The following RBPJ variants were observed in gnomAD, a reference collection of about 807,000 sequenced individuals.
RBPJ encodes the protein recombination signal binding protein for immunoglobulin kappa J region.
A neutral mutation model predicts 67.8 loss-of-function variants in RBPJ; 9 were observed. The ratio of observed to expected loss-of-function variants is 0.13; its 90% CI spans 0.08 to 0.23. The LOEUF is 0.23. Ranked by LOEUF, RBPJ falls within the 10% of genes least tolerant of loss-of-function variation. The pLI is 1.00. For missense variants in RBPJ, 305 were observed against 595.6 expected (o/e 0.51, Z 5.08); for synonymous variants, 198 against 203.3 (o/e 0.97, Z 0.22).
In RBPJ at chr4:26,427,903, T is replaced by G. The variant is rs373049090; in HGVS notation, c.748-817T>G. Among the ~76,000 whole-genome samples, 7 of 152,348 alleles carry G rather than the reference T, an allele frequency of 4.6e-5. No individual in the cohort carries two copies. In the East Asian group the frequency reaches 9.6e-4, roughly 21 times the overall value. On this transcript the variant is annotated intron_variant, in intron 7 of 10. Transcript: ENST00000355476. ...TGTCAAATTTTGCTCTTCATCATGA[T>G]CATCTACTTAGCCATTACCTTCTAG...
chr4:26,408,876 T>C (rs1173191376), intron 3 of RBPJ, among the ~76,000 whole-genome samples: 3 of 152,224 alleles, frequency 2.0e-5, no homozygotes, highest in African/African-American at 7.2e-5. Context: ...AGAGCAGGGA[T>C]TGAGGAGGAA....
intron 1 of RBPJ, among the ~76,000 whole-genome samples, chr4:26,375,768 C>G (rs754561187): frequency 6.6e-6 from 1 of 152,134 alleles, no homozygotes; most frequent in South Asian, 2.1e-4. Flanking sequence ...AAAGCAGGCA[C>G]GAAGCCCATC....
upstream of RBPJ, among the ~76,000 whole-genome samples, chr4:26,318,182 G>C (rs1028882969): frequency 6.6e-6 from 1 of 151,936 alleles, no homozygotes; most frequent in Non-Finnish European, 1.5e-5. Context: ...TTAAAAACCA[G>C]GGTTTCCTAT....
the RBPJ span, among the ~76,000 whole-genome samples, chr4:26,144,541 A>G: frequency 1.3e-5 from 2 of 152,106 alleles, no homozygotes; most frequent in African/African-American, 4.8e-5. Flanking sequence ...AACTGCTAGG[A>G]TTACAGATGT....
intron 1 of RBPJ, among the ~76,000 whole-genome samples, chr4:26,372,538 A>G (rs985609859): frequency 6.6e-6 from 1 of 152,244 alleles, no homozygotes. Flanking sequence ...ATAGCAAAGT[A>G]TCAAGTAAAT....
chr4:26,424,528 A>C lies in RBPJ; in HGVS notation c.634+49A>C. ...ATGTTTTTAGTGTGAAATTGTTAAA[A>C]TCTTTTGATGAGATACATGGATATA... is the stretch of plus-strand genomic sequence containing the variant. On this transcript the variant is annotated intron_variant, in intron 6 of 10. Transcript: ENST00000355476. The surrounding 1 kb of genome is among the most constrained non-coding windows in gnomAD (Gnocchi z 5.3). The C allele has an allele frequency of 6.3e-7, 1 of 1,594,728 alleles. No individual in the cohort carries two copies. Among genetic ancestry groups the C allele is most frequent in the Non-Finnish European group, 8.6e-7 (1 of 1,165,370 alleles).
the RBPJ span, among the ~76,000 whole-genome samples, chr4:26,127,745 TAAGTA>T: frequency 6.6e-6 from 1 of 152,084 alleles, no homozygotes; most frequent in African/African-American, 2.4e-5. Flanking sequence ...GCCCAGCAGG[TAAGTA>T]GAGTAAGACA....
At chr4:26,108,868 TCA>T in the RBPJ span, among the ~76,000 whole-genome samples, 2 of 152,146 alleles carry the variant, frequency 1.3e-5, no homozygotes, top group Admixed American at 1.3e-4. Context: ...CTGTCCAAGC[TCA>T]GTTTCCTTAC....
intron 1 of RBPJ, among the ~76,000 whole-genome samples, chr4:26,249,382 G>A (rs149775132): frequency 2.6e-5 from 4 of 152,180 alleles, no homozygotes; most frequent in Non-Finnish European, 2.9e-5. Flanking sequence ...GGGGTCAGCC[G>A]GGTATGGTGG....
chr4:26,201,224 GT>G (rs369930516), intron 1 of RBPJ, among the ~76,000 whole-genome samples: 1 of 152,254 alleles, frequency 6.6e-6, no homozygotes, highest in Non-Finnish European at 1.5e-5. Flanking sequence ...TTGTTGACTG[GT>G]TTTTGCCTCT....
At chr4:26,197,768 C>T (rs1035540924) in intron 1 of RBPJ, among the ~76,000 whole-genome samples, 3 of 151,664 alleles carry the variant, frequency 2.0e-5, no homozygotes, top group Non-Finnish European at 2.9e-5. Flanking sequence ...TGTCTTCTGA[C>T]TGGTTTCTCT....
At chr4:26,316,669 T>TTGATATATATATATAC (rs1722651580), upstream of RBPJ, among the ~76,000 whole-genome samples, 2 of 118,944 alleles carry the variant, frequency 1.7e-5, no homozygotes, top group African/African-American at 8.2e-5. Flanking sequence ...TATATATATA[T>TTGATATATATATATAC]ACACATATAT....
chr4:26,171,130 G>C lies in RBPJ; in HGVS notation c.-167+7516G>C, dbSNP rs538238712. On this transcript the variant is annotated intron_variant, in intron 1 of 4. Coordinates refer to the RBPJ transcript ENST00000512351. ...AATGAGATATTGTTGAAGATATTTA[G>C]ACTTATTCATCCTTAATGTCATCAC... is the stretch of plus-strand genomic sequence containing the variant. 7.4e-4 allele frequency among the ~76,000 whole-genome samples: 112 copies of C among 152,272 alleles called. 4 individuals are homozygous for C. The South Asian group carries it at 0.023, about 31-fold the overall frequency.
the RBPJ span, among the ~76,000 whole-genome samples, chr4:26,127,466 T>G: frequency 6.6e-6 from 1 of 152,050 alleles, no homozygotes; most frequent in Non-Finnish European, 1.5e-5. Context: ...TTTGACAGGG[T>G]CTGTGGGCAG....
intron 1 of RBPJ, among the ~76,000 whole-genome samples, chr4:26,324,106 G>C (rs1277841442): frequency 6.6e-6 from 1 of 152,134 alleles, no homozygotes; most frequent in African/African-American, 2.4e-5. Flanking sequence ...TGCCACATCT[G>C]CACAGGATTG....
At chr4:26,345,891 G>T (rs1726081612) in intron 1 of RBPJ, among the ~76,000 whole-genome samples, 1 of 152,148 alleles carries the variant, frequency 6.6e-6, no homozygotes, top group South Asian at 2.1e-4. Flanking sequence ...ATACAGTGAT[G>T]CTGGGGCTTA....
intron 1 of RBPJ, among the ~76,000 whole-genome samples, chr4:26,215,282 GAGAA>G (rs1393647998): frequency 1.5e-5 from 2 of 133,738 alleles, no homozygotes; most frequent in Non-Finnish European, 3.2e-5. Flanking sequence ...GAAAAAGAGA[GAGAA>G]AGAAAGAGAA....
the RBPJ span, among the ~76,000 whole-genome samples, chr4:26,153,947 CA>C: frequency 2.7e-5 from 4 of 147,660 alleles, no homozygotes; most frequent in Non-Finnish European, 4.5e-5. Context: ...GACTCCCTCT[CA>C]AAAAAAAAAG....
intron 1 of RBPJ, among the ~76,000 whole-genome samples, chr4:26,243,311 G>A (rs769132956): frequency 1.3e-5 from 2 of 152,116 alleles, no homozygotes; most frequent in Non-Finnish European, 1.5e-5. Flanking sequence ...TGGGTATCTC[G>A]CAGAAATTTT....
Sources: gnomAD v4.1 joint callset for allele counts (sites outside exome capture counted in the v4.1 genomes callset) on GRCh38, gnomAD v4.1.1 for gene constraint, Gnocchi (gnomAD v3.1) non-coding constraint, MANE v1.5 for transcripts, NCBI Gene and HGNC (gene_info 2026-07-23, HGNC 2026-07-21) for gene names.